The following SPOP variants were observed in gnomAD, a reference collection of about 807,000 sequenced individuals.
The protein encoded by SPOP is speckle type BTB/POZ protein.
A neutral mutation model predicts 45.6 loss-of-function variants in SPOP; 11 were observed. The ratio of observed to expected loss-of-function variants is 0.24; its 90% CI spans 0.15 to 0.40. The LOEUF is 0.40. SPOP is among the 10% of genes least tolerant of loss of function. The pLI is 1.00. For missense variants in SPOP, 152 were observed against 465.6 expected (o/e 0.33, Z 6.20); for synonymous variants, 166 against 166.3 (o/e 1.00, Z 0.01).
intron 1 of SPOP, among the ~76,000 whole-genome samples, chr17:49,649,571 G>T (rs565016429): frequency 6.6e-6 from 1 of 151,582 alleles, no homozygotes; most frequent in South Asian, 2.1e-4. Flanking sequence ...GGTGGCTCAC[G>T]CCTGTAATCC....
chr17:49,658,342 AATT>A (rs2072942722), intron 1 of SPOP, among the ~76,000 whole-genome samples: 1 of 152,172 alleles, frequency 6.6e-6, no homozygotes, highest in South Asian at 2.1e-4. Context: ...TTTTTCCACA[AATT>A]ATTTCATAAT....
At chr17:49,673,379 G>A (rs890938303) in intron 1 of SPOP, among the ~76,000 whole-genome samples, 13 of 151,966 alleles carry the variant, frequency 8.6e-5, no homozygotes, top group Non-Finnish European at 1.3e-4. Context: ...GGTGGCGGGC[G>A]CCTGTAGTCC....
intron 5 of SPOP, among the ~76,000 whole-genome samples, chr17:49,617,824 T>C (rs528030755): frequency 6.8e-6 from 1 of 146,450 alleles, no homozygotes; most frequent in Admixed American, 7.1e-5. Flanking sequence ...CTTGGGAGGC[T>C]AAGGCAGGAG....
At chr17:49,665,415 T>A (rs557668601) in intron 1 of SPOP, among the ~76,000 whole-genome samples, 1 of 150,684 alleles carries the variant, frequency 6.6e-6, no homozygotes, top group South Asian at 2.1e-4. Context: ...GAGATCAAGA[T>A]CATCCTGGCT....
At chr17:49,673,374 C>T (rs58259248) in intron 1 of SPOP, among the ~76,000 whole-genome samples, 1,922 of 151,794 alleles carry the variant, frequency 0.013, 19 homozygotes, top group Non-Finnish European at 0.017. Flanking sequence ...GGCGTGGTGG[C>T]GGGCGCCTGT....
At chr17:49,612,437 G>A (rs181508123) in intron 5 of SPOP, among the ~76,000 whole-genome samples, 2 of 152,310 alleles carry the variant, frequency 1.3e-5, no homozygotes, top group African/African-American at 4.8e-5. Context: ...ATGCTTGGCT[G>A]TAGCTACACA....
intron 1 of SPOP, among the ~76,000 whole-genome samples, chr17:49,647,058 G>A (rs933146951): frequency 1.3e-5 from 2 of 152,034 alleles, no homozygotes; most frequent in South Asian, 2.1e-4. Context: ...GGGAGGCCAA[G>A]GCAGGCACAT....
At chr17:49,668,417 C>T (rs2073090782) in intron 1 of SPOP, among the ~76,000 whole-genome samples, 1 of 151,908 alleles carries the variant, frequency 6.6e-6, no homozygotes, top group African/African-American at 2.4e-5. Context: ...CTCAAAAAAA[C>T]ATACTAAGCA....
chr17:49,632,929 G>A (rs2072479163), intron 1 of SPOP, among the ~76,000 whole-genome samples: 1 of 152,206 alleles, frequency 6.6e-6, no homozygotes, highest in Non-Finnish European at 1.5e-5. Context: ...ATACAGACCA[G>A]TGTAAATATG....
chr17:49,658,439 C>A (rs2143520894), intron 1 of SPOP, among the ~76,000 whole-genome samples: 1 of 152,268 alleles, frequency 6.6e-6, no homozygotes, highest in South Asian at 2.1e-4. Flanking sequence ...GAGTGCATTA[C>A]TCCCTTTTAC....
At chr17:49,626,904 T>A (rs780184504) in intron 1 of SPOP, among the ~76,000 whole-genome samples, 1 of 151,972 alleles carries the variant, frequency 6.6e-6, no homozygotes, top group Non-Finnish European at 1.5e-5. Context: ...CAGGCTGGAG[T>A]GCAGTGGCGA....
rs528362520 is a variant in SPOP, at chr17:49,622,760, G to A, written c.51C>T (p.Pro17=). Residue 17 remains proline (P), a synonymous_variant, in exon 2 of 10, where the codon CCC becomes CCT. Transcript: ENST00000504102. ...GTGTGTAGCACCAACTCTCAGCTACGGGGCCACTCGACATTTCTGCCGGAG... is the reference window on the plus strand; with the variant it reads ...GTGTGTAGCACCAACTCTCAGCTACAGGGCCACTCGACATTTCTGCCGGAG... ...PPPPAEMSSG[P]VAESWCYTQI... The A allele has an allele frequency of 1.3e-5, 21 of 1,614,126 alleles. No homozygotes were observed. The highest frequency in any genetic ancestry group is 2.2e-5 in the South Asian group (2 of 91,088).
At chr17:49,655,211 G>T (rs1351467244) in intron 1 of SPOP, among the ~76,000 whole-genome samples, 1 of 151,978 alleles carries the variant, frequency 6.6e-6, no homozygotes, top group Non-Finnish European at 1.5e-5. Context: ...TCCAAAACAG[G>T]TATTAAAAAA....
intron 1 of SPOP, among the ~76,000 whole-genome samples, chr17:49,663,432 A>G (rs1315015324): frequency 1.3e-5 from 2 of 152,260 alleles, no homozygotes; most frequent in African/African-American, 4.8e-5. Context: ...ATTACTCATC[A>G]GCATAAGTAA....
intron 6 of SPOP, among the ~76,000 whole-genome samples, chr17:49,610,111 T>C (rs1377871763): frequency 6.6e-6 from 1 of 152,138 alleles, no homozygotes; most frequent in Non-Finnish European, 1.5e-5. Flanking sequence ...GAGACAGCTA[T>C]CGTTAAGAAA....
At position 49,658,719 on chromosome 17, in the gene SPOP, C is replaced by G. The variant is rs527656850; in HGVS notation, c.-67+19214G>C. Among the ~76,000 whole-genome samples, 4 of 152,276 alleles carry G rather than the reference C, an allele frequency of 2.6e-5. No individual in the cohort carries two copies. In the South Asian group the frequency reaches 8.3e-4, roughly 32 times the overall value. ...CATCACCACCACCATCATCAGACAA[C>G]CAAGCGGAGAAGAACTACCACTGCT... On this transcript the variant is annotated intron_variant, in intron 1 of 9. Coordinates refer to ENST00000504102, the MANE Select transcript of SPOP (RefSeq NM_001007228.2).
intron 3 of SPOP, among the ~76,000 whole-genome samples, chr17:49,621,466 CT>C (rs1260012850): frequency 2.0e-5 from 3 of 152,214 alleles, no homozygotes; most frequent in Non-Finnish European, 4.4e-5. Flanking sequence ...AATAAATCCC[CT>C]TTCTTGTTTA....
rs749665129 is a variant in SPOP, at chr17:49,622,047, G to A, written c.99C>T (p.Ser33=). 2 of 1,613,708 alleles carry A rather than the reference G, an allele frequency of 1.2e-6. No homozygotes were observed. Among genetic ancestry groups the A allele is most frequent in the Non-Finnish European group, 1.7e-6 (2 of 1,179,836 alleles). The part of the protein sequence containing the change: ...CYTQIKVVKF[S]YMWTINNFSF... ...TAAAGTTATTGATGGTCCACATGTA[G>A]GAGAATTTCACTACCTTGATCTGTT... The change falls in exon 3 of 10, where the codon TCC becomes TCT. Residue 33 remains serine (S), a synonymous_variant. Coordinates refer to ENST00000504102, the MANE Select transcript of SPOP (RefSeq NM_001007228.2).
intron 1 of SPOP, among the ~76,000 whole-genome samples, chr17:49,659,851 A>G (rs1298122432): frequency 6.6e-6 from 1 of 151,730 alleles, no homozygotes; most frequent in Admixed American, 6.6e-5. Context: ...TCCCATTCCT[A>G]TCTCCCACCC....
Sources: allele counts gnomAD v4.1 joint callset (sites outside exome capture counted in the v4.1 genomes callset), GRCh38; gene constraint gnomAD v4.1.1; transcripts MANE v1.5; gene names NCBI Gene and HGNC (gene_info 2026-07-23, HGNC 2026-07-21).